Variants in PTPRN2 observed in about 807,000 individuals in gnomAD.
PTPRN2 encodes the protein protein tyrosine phosphatase receptor type N2.
A neutral mutation model predicts 118.8 loss-of-function variants in PTPRN2; 74 were observed. That is an observed-to-expected ratio of 0.62 (90% CI 0.52 to 0.76). The LOEUF (loss-of-function observed/expected upper bound fraction) is 0.76. Ranked by LOEUF, PTPRN2 falls within the 30% of genes least tolerant of loss-of-function variation. PTPRN2 has a pLI of 0.00. For synonymous variants in PTPRN2, 641 were observed against 608.0 expected, an observed-to-expected ratio of 1.05 and a Z score of -0.80; for missense variants, 1,481 against 1,394.4, an observed-to-expected ratio of 1.06 and a Z score of -0.99.
intron 3 of PTPRN2, among the ~76,000 whole-genome samples, chr7:158,270,770 G>C (rs115812593): frequency 0.094 from 7,337 of 78,004 alleles, 563 homozygotes; most frequent in Admixed American, 0.11. Context: ...GGACCACCCC[G>C]TCCACCTGGA....
intron 3 of PTPRN2, among the ~76,000 whole-genome samples, chr7:158,225,693 T>C (rs545756700): frequency 6.6e-6 from 1 of 151,980 alleles, no homozygotes; most frequent in African/African-American, 2.4e-5. Flanking sequence ...AATGAAGAGG[T>C]GAATTTGTGT....
intron 12 of PTPRN2, among the ~76,000 whole-genome samples, chr7:157,885,585 G>A (rs530690119): frequency 2.2e-4 from 34 of 152,310 alleles, no homozygotes; most frequent in Admixed American, 1.4e-3. Flanking sequence ...GCTCATCAGC[G>A]TCCATGTCCC....
intron 2 of PTPRN2, among the ~76,000 whole-genome samples, chr7:158,331,632 A>C (rs1232033878): frequency 1.4e-5 from 2 of 146,398 alleles, no homozygotes; most frequent in Admixed American, 6.7e-5. Flanking sequence ...TACTCTCACC[A>C]TAAGAGGTGA....
At chr7:158,226,081 G>GA (rs1334691050) in intron 3 of PTPRN2, among the ~76,000 whole-genome samples, 1 of 152,106 alleles carries the variant, frequency 6.6e-6, no homozygotes, top group Non-Finnish European at 1.5e-5. Context: ...AAAATTTAAA[G>GA]ATACATAGCA....
chr7:158,306,228 G>A lies in PTPRN2; in HGVS notation c.277+10591C>T, dbSNP rs528950786. On this transcript the variant is annotated intron_variant, in intron 3 of 22. Coordinates refer to ENST00000389418, the MANE Select transcript of PTPRN2 (RefSeq NM_002847.5). ...AATAGGCTAACCAGAAAGCTTGAAGGAAAAGCTGGAAAATGAGATGTGCAC... is the reference window on the plus strand; with the variant it reads ...AATAGGCTAACCAGAAAGCTTGAAGAAAAAGCTGGAAAATGAGATGTGCAC... Among the ~76,000 whole-genome samples the A allele has an allele frequency of 2.0e-5, 3 of 152,354 alleles. No individual in the cohort carries two copies. The South Asian group carries it at 6.2e-4, about 32-fold the overall frequency.
chr7:157,578,483 G>A (rs564852119), intron 17 of PTPRN2, among the ~76,000 whole-genome samples: 9 of 152,280 alleles, frequency 5.9e-5, no homozygotes, highest in African/African-American at 9.6e-5. Context: ...AGGCGGTGCC[G>A]ACACCCTCAC....
chr7:158,304,640 TC>T (rs1801147947), intron 3 of PTPRN2, among the ~76,000 whole-genome samples: 1 of 152,250 alleles, frequency 6.6e-6, no homozygotes, highest in South Asian at 2.1e-4. Context: ...AGCAGGGTCT[TC>T]CAGGGCATAG....
At chr7:158,248,711 A>ACGTGCACACACGCCACACC in intron 3 of PTPRN2, among the ~76,000 whole-genome samples, 1 of 151,424 alleles carries the variant, frequency 6.6e-6, no homozygotes, top group South Asian at 2.1e-4. Flanking sequence ...CACGCCACAC[A>ACGTGCACACACGCCACACC]CATGCACCCA....
intron 2 of PTPRN2, among the ~76,000 whole-genome samples, chr7:158,480,123 C>T (rs1226389256): frequency 6.6e-6 from 1 of 152,222 alleles, no homozygotes; most frequent in African/African-American, 2.4e-5. Flanking sequence ...CAGCTTTGTT[C>T]CACGTCGCGG....
chr7:158,146,629 A>G (rs376173592), intron 6 of PTPRN2, among the ~76,000 whole-genome samples: 7,376 of 137,242 alleles, frequency 0.054, 458 homozygotes, highest in African/African-American at 0.1. Flanking sequence ...CCTGAGGCAG[A>G]AGAATGGTGT....
intron 14 of PTPRN2, among the ~76,000 whole-genome samples, chr7:157,624,158 C>T (rs948409668): frequency 3.9e-5 from 6 of 152,168 alleles, no homozygotes; most frequent in African/African-American, 1.2e-4. Context: ...CGGTGGCTCA[C>T]GCCTATAATC....
At chr7:157,817,331 T>C (rs552835299) in intron 12 of PTPRN2, among the ~76,000 whole-genome samples, 130 of 152,294 alleles carry the variant, frequency 8.5e-4, no homozygotes, top group African/African-American at 3.1e-3. Flanking sequence ...CGAAGAATCA[T>C]GTCACAGGAA....
At chr7:158,158,392 C>T (rs1186787889) in intron 6 of PTPRN2, among the ~76,000 whole-genome samples, 4 of 152,230 alleles carry the variant, frequency 2.6e-5, no homozygotes, top group Admixed American at 1.3e-4. Flanking sequence ...GAAGTGGGCA[C>T]CCCACCAGCC....
chr7:158,324,434 A>G (rs1053295211), intron 2 of PTPRN2, among the ~76,000 whole-genome samples: 2 of 152,158 alleles, frequency 1.3e-5, no homozygotes, highest in African/African-American at 2.4e-5. Context: ...GAAATCTCAC[A>G]TAGATTTACA....
intron 2 of PTPRN2, among the ~76,000 whole-genome samples, chr7:158,452,786 G>C (rs532737549): frequency 6.6e-6 from 1 of 152,356 alleles, no homozygotes; most frequent in South Asian, 2.1e-4. Context: ...ACCACAGTTA[G>C]AAGTGGCACA....
intron 12 of PTPRN2, among the ~76,000 whole-genome samples, chr7:157,792,785 G>C (rs995734067): frequency 4.5e-4 from 68 of 152,234 alleles, no homozygotes; most frequent in African/African-American, 1.6e-3. Context: ...AGGCTTTCCA[G>C]TGACTAGGAG....
chr7:157,847,879 T>C (rs965646723), intron 12 of PTPRN2, among the ~76,000 whole-genome samples: 4 of 150,802 alleles, frequency 2.7e-5, no homozygotes, highest in Admixed American at 6.6e-5. Flanking sequence ...CATTACATCA[T>C]GTGTGCCCGA....
intron 11 of PTPRN2, among the ~76,000 whole-genome samples, chr7:158,041,545 G>A (rs1808470983): frequency 6.6e-6 from 1 of 152,124 alleles, no homozygotes; most frequent in African/African-American, 2.4e-5. Flanking sequence ...GGCTGAGGCA[G>A]GAGAATCGCT....
chr7:157,552,065 C>G (rs1798658735), intron 21 of PTPRN2, among the ~76,000 whole-genome samples: 1 of 151,148 alleles, frequency 6.6e-6, no homozygotes, highest in Non-Finnish European at 1.5e-5. Context: ...ACACACTCCA[C>G]AGCCACCACA....
Sources: gnomAD v4.1 joint callset for allele counts (sites outside exome capture counted in the v4.1 genomes callset) on GRCh38, gnomAD v4.1.1 for gene constraint, MANE v1.5 for transcripts, NCBI Gene and HGNC (gene_info 2026-07-23, HGNC 2026-07-21) for gene names.